Variants in SRBD1 observed in about 807,000 individuals in gnomAD.
The protein encoded by SRBD1 is S1 RNA-binding domain-containing protein 1.
SRBD1 carries 88 observed loss-of-function variants against 115.3 expected under a neutral mutation model. The ratio of observed to expected loss-of-function variants is 0.76; its 90% CI spans 0.64 to 0.91. The LOEUF is 0.91. SRBD1 is among the 40% of genes least tolerant of loss of function. The pLI, the probability that SRBD1 is intolerant of heterozygous loss-of-function variation, is 0.00. For missense variants in SRBD1, 1,385 were observed against 1,177.4 expected (o/e 1.18, Z -2.58); for synonymous variants, 509 against 407.7 (o/e 1.25, Z -2.99).
At chr2:45,597,083 G>A (rs765739896) in intron 4 of SRBD1, among the ~76,000 whole-genome samples, 49 of 151,808 alleles carry the variant, frequency 3.2e-4, no homozygotes, top group Admixed American at 6.6e-4. Context: ...GACCAGAGAT[G>A]GATACCTGAC....
intron 14 of SRBD1, among the ~76,000 whole-genome samples, chr2:45,524,806 A>G (rs1236704479): frequency 1.3e-5 from 2 of 152,030 alleles, no homozygotes; most frequent in African/African-American, 4.8e-5. Context: ...CTAAAATTCA[A>G]GTGGAATTGA....
intron 16 of SRBD1, among the ~76,000 whole-genome samples, chr2:45,466,654 A>T (rs1176716483): frequency 6.6e-6 from 1 of 152,230 alleles, no homozygotes; most frequent in African/African-American, 2.4e-5. Flanking sequence ...ATTTAAAATT[A>T]AACACAAAAG....
chr2:45,592,498 C>T (rs1411521681), intron 4 of SRBD1, among the ~76,000 whole-genome samples: 1 of 152,132 alleles, frequency 6.6e-6, no homozygotes, highest in African/African-American at 2.4e-5. Flanking sequence ...AGCATACTTT[C>T]CTTTCCTTTC....
intron 1 of SRBD1, among the ~76,000 whole-genome samples, chr2:45,610,746 G>C (rs1674420207): frequency 6.6e-6 from 1 of 152,144 alleles, no homozygotes; most frequent in African/African-American, 2.4e-5. Context: ...TCCCACCTCC[G>C]ATAATTTTAG....
intron 4 of SRBD1, among the ~76,000 whole-genome samples, chr2:45,596,947 CACA>C (rs1673916664): frequency 1.3e-5 from 2 of 148,454 alleles, no homozygotes; most frequent in African/African-American, 5.0e-5. Context: ...CACACACACA[CACA>C]CCCACAACCC....
At chr2:45,519,793 A>T (rs1020995552) in intron 14 of SRBD1, among the ~76,000 whole-genome samples, 7 of 152,194 alleles carry the variant, frequency 4.6e-5, no homozygotes, top group African/African-American at 1.7e-4. Context: ...TCTGCTATAC[A>T]GTAATGGAGC....
Position 45,602,018 on chromosome 2 carries a change from C to A in SRBD1, c.146G>T (p.Arg49Ile). 6.2e-7 allele frequency: 1 copy of A among 1,614,194 alleles called. No individual in the cohort carries two copies. The highest frequency in any genetic ancestry group is 8.5e-7 in the Non-Finnish European group (1 of 1,180,020). Reference protein sequence around the residue: ...SAWEPQKKVPRSRKQPPPKES... With the variant: ...SAWEPQKKVPISRKQPPPKES... ...CTTGGGAGGGGGCTGTTTACGGCTT[C>A]TGGGAACTTTCTTTTGGGGCTCCCA... is the stretch of plus-strand genomic sequence containing the variant. The change falls in exon 3 of 21, where the codon AGA becomes ATA. Residue 49 changes from arginine (R) to isoleucine (I), a missense_variant. Coordinates refer to ENST00000263736, the MANE Select transcript of SRBD1 (RefSeq NM_018079.5).
At chr2:45,408,947 G>A (rs955763047) in intron 19 of SRBD1, among the ~76,000 whole-genome samples, 1 of 152,182 alleles carries the variant, frequency 6.6e-6, no homozygotes, top group Non-Finnish European at 1.5e-5. Context: ...TACTGGCCGG[G>A]TGCAGTGGCT....
intron 14 of SRBD1, among the ~76,000 whole-genome samples, chr2:45,498,333 C>G (rs1273852325): frequency 6.6e-6 from 1 of 151,964 alleles, no homozygotes; most frequent in Admixed American, 6.6e-5. Context: ...TATTTTCTCC[C>G]AATTTTGGTT....
At chr2:45,542,346 G>A (rs1572753941) in intron 14 of SRBD1, among the ~76,000 whole-genome samples, 1 of 152,240 alleles carries the variant, frequency 6.6e-6, no homozygotes. Flanking sequence ...CGAGCCTGCA[G>A]GGGAAGGGGC....
At chr2:45,605,572 C>A (rs1674243028) in intron 1 of SRBD1, 131 bp from the exon 2 acceptor site, 4 of 840,846 alleles carry the variant, frequency 4.8e-6, no homozygotes, top group Non-Finnish European at 7.5e-6. Flanking sequence ...TATTCACAAG[C>A]CCAAACATCA....
chr2:45,601,834 G>C (rs886983110), intron 3 of SRBD1, 69 bp downstream of exon 3: 1 of 1,572,126 alleles, frequency 6.4e-7, no homozygotes, highest in East Asian at 2.2e-5. Flanking sequence ...CTACTCTGTA[G>C]AATAAGAAAA....
chr2:45,471,403 G>C (rs1669643162), intron 16 of SRBD1, among the ~76,000 whole-genome samples: 1 of 152,158 alleles, frequency 6.6e-6, no homozygotes, highest in East Asian at 1.9e-4. Context: ...TGTTTAAATA[G>C]TTGTATATTT....
chr2:45,476,001 T>C (rs1344036284), intron 16 of SRBD1, among the ~76,000 whole-genome samples: 2 of 152,210 alleles, frequency 1.3e-5, no homozygotes, highest in Non-Finnish European at 2.9e-5. Context: ...ACCTAGCCAG[T>C]TGTACTCTTT....
At chr2:45,399,310 A>AT (rs1468385740) in intron 19 of SRBD1, among the ~76,000 whole-genome samples, 1 of 152,192 alleles carries the variant, frequency 6.6e-6, no homozygotes, top group East Asian at 1.9e-4. Flanking sequence ...TCTATGAAAG[A>AT]TAATAGAGCC....
intron 4 of SRBD1, among the ~76,000 whole-genome samples, chr2:45,591,013 CA>C (rs777304180): frequency 5.3e-3 from 692 of 130,366 alleles, no homozygotes; most frequent in Non-Finnish European, 7.4e-3. Flanking sequence ...GTGAAACTCT[CA>C]AAAAAAAAAA....
chr2:45,533,709 G>T (rs966939905), intron 14 of SRBD1, among the ~76,000 whole-genome samples: 5 of 151,886 alleles, frequency 3.3e-5, no homozygotes, highest in Non-Finnish European at 7.4e-5. Context: ...ACTTCTAAAG[G>T]TTATCAAAAA....
At chr2:45,497,304 T>C (rs1228137457) in intron 14 of SRBD1, among the ~76,000 whole-genome samples, 1 of 152,222 alleles carries the variant, frequency 6.6e-6, no homozygotes, top group African/African-American at 2.4e-5. Flanking sequence ...TTATTTTTAC[T>C]GTCATTGCCC....
rs1481524850 is a variant in SRBD1 at position 45,599,569 on chromosome 2, A to G, written c.528T>C (p.Phe176=). The change falls in exon 4 of 21, where the codon TTT becomes TTC. Residue 176 remains phenylalanine, a synonymous_variant. Coordinates refer to ENST00000263736, the MANE Select transcript of SRBD1 (RefSeq NM_018079.5). The part of the protein sequence containing the change: ...KKEENDDDFT[F]GQSALKKIKT... Reference sequence around the variant, plus strand: ...TGATTTTCTTTAAAGCGGACTGACCAAATGTAAAGTCATCGTCATTCTCTT... The same window carrying G: ...TGATTTTCTTTAAAGCGGACTGACCGAATGTAAAGTCATCGTCATTCTCTT... 6.2e-7 allele frequency: 1 copy of G among 1,614,076 alleles called. No individual in the cohort carries two copies. Among genetic ancestry groups the G allele is most frequent in the Admixed American group, 1.7e-5 (1 of 60,002 alleles).
Sources: gnomAD v4.1 joint callset for allele counts (sites outside exome capture counted in the v4.1 genomes callset) on GRCh38, gnomAD v4.1.1 for gene constraint, MANE v1.5 for transcripts, NCBI Gene and HGNC (gene_info 2026-07-23, HGNC 2026-07-21) for gene names.